The following AKAP4 variants were observed in gnomAD, a reference collection of about 807,000 sequenced individuals.
AKAP4 encodes A-kinase anchoring protein 4.
In AKAP4, 4 loss-of-function variants were observed where a neutral mutation model predicts 42.6. That is an observed-to-expected ratio of 0.09 (90% CI 0.05 to 0.22). The LOEUF is 0.22. Ranked by LOEUF, AKAP4 falls within the 10% of genes least tolerant of loss-of-function variation. AKAP4 has a pLI of 1.00. For synonymous variants in AKAP4, 223 were observed against 233.0 expected (o/e 0.96, Z 0.39); for missense variants, 551 against 630.7 (o/e 0.87, Z 1.35).
rs12012704 is a variant in AKAP4, at chrX:50,192,695, G to A, written c.2018C>T (p.Ala673Val). The A allele has an allele frequency of 3.2e-4, 386 of 1,209,970 alleles. No individual in the cohort carries two copies. The East Asian group carries it at 8.6e-3, about 27-fold the overall frequency. ...AASMSNRSDK[A>V]EEQCQEHQEL... ...TTGATGCTCCTGGCATTGTTCTTCC[G>A]CTTTGTCAGATCTGTTGGACATGGA... is the stretch of plus-strand genomic sequence containing the variant. The change falls in exon 5 of 6, where the codon GCG (alanine) becomes GTG (valine). Residue 673 changes from alanine (A) to valine (V), a missense_variant. Physicochemically the swap from Ala to Val is moderately conservative, Grantham distance 64 (BLOSUM62 0). Transcript: ENST00000358526.
Position 50,192,959 on chromosome X carries a change from T to A in AKAP4, c.1754A>T (p.Glu585Val). 8.3e-7 allele frequency: 1 copy of A among 1,211,776 alleles called. No homozygotes were observed. The highest frequency in any genetic ancestry group is 1.1e-6 in the Non-Finnish European group (1 of 895,519). Reference sequence around the variant, plus strand: ...GGCACTTTGGCCACCTCCACACTTTTCATATTGAGTACTCTGAGCCATATA... The same window carrying A: ...GGCACTTTGGCCACCTCCACACTTTACATATTGAGTACTCTGAGCCATATA... Reference protein sequence around the residue: ...MGYMAQSTQYEKCGGGQSAKA... With the variant: ...MGYMAQSTQYVKCGGGQSAKA... Residue 585 changes from glutamate (E) to valine (V), a missense_variant, in exon 5 of 6, where the codon GAA becomes GTA. Physicochemically the swap from Glu to Val is moderately radical, Grantham distance 121. Coordinates refer to ENST00000358526, the MANE Select transcript of AKAP4 (RefSeq NM_003886.3).
chrX:50,198,682 CCTT>C lies in AKAP4; in HGVS notation c.95_97del (p.Glu32del). On this transcript the variant is annotated inframe_deletion, in exon 2 of 6. Transcript: ENST00000358526. ...CACTTTCCGGTCCTGATCTTGCTGT[CCTT>C]CTGGGTTGTAGAGATCTACCTTGCA... The C allele has an allele frequency of 8.3e-7, 1 of 1,209,481 alleles. No homozygotes were observed. The highest frequency in any genetic ancestry group is 3.0e-5 in the East Asian group (1 of 33,792).
intron 4 of AKAP4, 125 bp from the exon 5 acceptor site, chrX:50,194,561 A>G: frequency 1.9e-6 from 1 of 515,731 alleles, no homozygotes; most frequent in Non-Finnish European, 3.1e-6. Flanking sequence ...CGTAACATCC[A>G]GTTATATCCA....
intron 3 of AKAP4, 80 bp from the exon 4 acceptor site, chrX:50,197,072 A>T (rs1189454057): frequency 1.8e-5 from 12 of 670,862 alleles, no homozygotes; most frequent in Non-Finnish European, 2.9e-5. Context: ...TATGACTTCA[A>T]ATCATGAATG....
intron 3 of AKAP4, 85 bp downstream of exon 3, chrX:50,197,459 C>A (rs782718639): frequency 5.6e-6 from 5 of 900,457 alleles, no homozygotes; most frequent in South Asian, 2.6e-5. Context: ...CTCTCTCCCC[C>A]CAACATTTTC....
Position 50,193,356 on chromosome X carries a change from C to A in AKAP4, c.1357G>T (p.Ala453Ser). 2 of 1,211,616 alleles carry A rather than the reference C, an allele frequency of 1.7e-6. No homozygotes were observed. Among genetic ancestry groups the A allele is most frequent in the Non-Finnish European group, 2.2e-6 (2 of 895,510 alleles). ...SQSLSYASLK[A>S]GSHDPKCRNQ... ...CTGCATTTGGGATCATGGGACCCAG[C>A]TTTTAAAGATGCATATGACAGACTC... Residue 453 changes from alanine (A) to serine (S), a missense_variant, in exon 5 of 6, where the codon GCT becomes TCT. By Grantham distance (99) the Ala-to-Ser change is moderately conservative. Coordinates refer to ENST00000358526, the MANE Select transcript of AKAP4 (RefSeq NM_003886.3).
chrX:50,193,390 A>C lies in AKAP4; in HGVS notation c.1323T>G (p.Thr441=), dbSNP rs183292377. The part of the protein sequence containing the change: ...VSALIGEEKE[T]KSQSLSYASL... ...ATGCATATGACAGACTCTGAGACTT[A>C]GTCTCCTTCTCCTCACCTATAAGGG... Residue 441 remains threonine, a synonymous_variant, in exon 5 of 6, where the codon ACT becomes ACG. Transcript: ENST00000358526. The C allele has an allele frequency of 8.3e-7, 1 of 1,211,523 alleles. No individual in the cohort carries two copies. The highest frequency in any genetic ancestry group is 1.1e-6 in the Non-Finnish European group (1 of 895,415).
Position 50,200,800 on chromosome X carries a change from G to A in AKAP4, c.27+63C>T. On this transcript the variant is annotated intron_variant, in intron 1 of 5. Coordinates refer to ENST00000358526, the MANE Select transcript of AKAP4 (RefSeq NM_003886.3). ...CTTGGAGGCTGCCTCAGCAGCTTCT[G>A]TAGTTTCACCTCACCATTAAGATGC... The A allele has an allele frequency of 4.7e-6, 5 of 1,070,060 alleles. No individual in the cohort carries two copies. The South Asian group carries it at 8.0e-5, about 17-fold the overall frequency. The allele number at this position is 1,070,060 out of a possible 1,213,427, so 88.2% of individuals were successfully genotyped here.
chrX:50,191,659 T>TGTGAGAGAGAAAGA (rs1363221828), intron 5 of AKAP4, among the ~76,000 whole-genome samples: 7 of 43,611 alleles, frequency 1.6e-4, no homozygotes, highest in African/African-American at 5.2e-4. Flanking sequence ...TGTGTGTGTG[T>TGTGAGAGAGAAAGA]GAGAGAGAGA....
In AKAP4 at chrX:50,194,445, A is replaced by T. The variant is rs781842096; in HGVS notation, c.277-9T>A. ...CATACAGATCCCTCTGTCTAAAAAAAGAAGAAGACCTATCCATAAGAGTTT... is the reference window on the plus strand; with the variant it reads ...CATACAGATCCCTCTGTCTAAAAAATGAAGAAGACCTATCCATAAGAGTTT... On this transcript the variant is annotated splice_polypyrimidine_tract_variant and intron_variant, in intron 4 of 5. Transcript: ENST00000358526. 437 of 1,169,741 alleles carry T rather than the reference A, an allele frequency of 3.7e-4. 1 individual carries two copies. The South Asian group carries it at 7.7e-3, about 21-fold the overall frequency.
Position 50,196,979 on chromosome X carries a change from G to T in AKAP4, c.188C>A (p.Ser63Tyr), listed in dbSNP as rs1557204427. The T allele has an allele frequency of 8.3e-7, 1 of 1,199,481 alleles. No individual in the cohort carries two copies. Among genetic ancestry groups the T allele is most frequent in the African/African-American group, 1.7e-5 (1 of 57,557 alleles). ...EDKDYKDAAS[S>Y]SSEGNLNLGS... ...CAGGTTTAAGTTGCCTTCTGAGCTG[G>T]AACTAGCAGCATCCTATGGAATTAA... The change falls in exon 4 of 6, where the codon TCC becomes TAC. Residue 63 changes from serine (S) to tyrosine (Y), a missense_variant. Ser to Tyr is a moderately radical substitution (Grantham distance 144). Coordinates refer to ENST00000358526, the MANE Select transcript of AKAP4 (RefSeq NM_003886.3).
chrX:50,193,444 C>G lies in AKAP4; in HGVS notation c.1269G>C (p.Met423Ile). The G allele has an allele frequency of 8.3e-7, 1 of 1,211,963 alleles. No individual in the cohort carries two copies. ...TGACCAAGCGCTTCAGCATGGCCTCCATGATGTCTGTAGCATTTTGTTTCC... is the reference window on the plus strand; with the variant it reads ...TGACCAAGCGCTTCAGCATGGCCTCGATGATGTCTGTAGCATTTTGTTTCC... ...NQWKQNATDI[M>I]EAMLKRLVSA... is the part of the protein sequence containing the mutation. Residue 423 changes from methionine (M) to isoleucine (I), a missense_variant, in exon 5 of 6, where the codon ATG becomes ATC. Coordinates refer to ENST00000358526, the MANE Select transcript of AKAP4 (RefSeq NM_003886.3).
chrX:50,197,050 GC>G (rs1179533697), intron 3 of AKAP4, 58 bp from the exon 4 acceptor site: 2 of 825,361 alleles, frequency 2.4e-6, no homozygotes, highest in Non-Finnish European at 3.6e-6. Context: ...TCTCCAAGCT[GC>G]CCCCCTAGGC....
At position 50,198,598 on chromosome X, in the gene AKAP4, T is replaced by C. The variant is rs188372079; in HGVS notation, c.123+59A>G. Reference sequence around the variant, plus strand: ...CATTAGTTTATCTTGGGCCCCAGGATATCTATACCCATATGCCAATTTTTC... The same window carrying C: ...CATTAGTTTATCTTGGGCCCCAGGACATCTATACCCATATGCCAATTTTTC... On this transcript the variant is annotated intron_variant, in intron 2 of 5. Transcript: ENST00000358526. 40 of 896,152 alleles carry C rather than the reference T, an allele frequency of 4.5e-5. No homozygotes were observed. The African/African-American group carries it at 4.9e-4, about 11-fold the overall frequency. The allele number at this position is 896,152 out of a possible 1,213,427, so 73.9% of individuals were successfully genotyped here. A position where few individuals can be genotyped will look rare whatever the true frequency, so the allele number is the denominator to read the frequency against.
rs782020421 is a variant in AKAP4, at chrX:50,192,709, G to C, written c.2004C>G (p.Asn668Lys). The change falls in exon 5 of 6, where the codon AAC becomes AAG. Residue 668 changes from asparagine to lysine, a missense_variant. Physicochemically the swap from Asn to Lys is moderately conservative, Grantham distance 94. Transcript: ENST00000358526. ...PRASKAASMS[N>K]RSDKAEEQCQ... ...ATTGTTCTTCCGCTTTGTCAGATCTGTTGGACATGGAAGCTGCTTTGCTTG... is the reference window on the plus strand; with the variant it reads ...ATTGTTCTTCCGCTTTGTCAGATCTCTTGGACATGGAAGCTGCTTTGCTTG... 3.3e-6 allele frequency: 4 copies of C among 1,211,984 alleles called. No homozygotes were observed. Among genetic ancestry groups the C allele is most frequent in the Non-Finnish European group, 4.5e-6 (4 of 895,610 alleles).
chrX:50,190,927 G>A lies in AKAP4; in HGVS notation c.*33C>T, dbSNP rs113067239. 24 of 1,204,851 alleles carry A rather than the reference G, an allele frequency of 2.0e-5. No individual in the cohort carries two copies. The South Asian group carries it at 3.9e-4, about 20-fold the overall frequency. Reference sequence around the variant, plus strand: ...TCTGGCTGGGATGGAATGCTGCTAGGGGGGCTAAGATGAAGAGGAGTCAAG... The same window carrying A: ...TCTGGCTGGGATGGAATGCTGCTAGAGGGGCTAAGATGAAGAGGAGTCAAG... On this transcript the variant is annotated 3_prime_UTR_variant, in exon 6 of 6. Transcript: ENST00000358526.
chrX:50,196,478 A>C (rs1935193491), intron 4 of AKAP4, among the ~76,000 whole-genome samples: 1 of 111,365 alleles, frequency 9.0e-6, no homozygotes, highest in African/African-American at 3.3e-5. Flanking sequence ...AGCCTAGGTA[A>C]TCTCTTAGAC....
chrX:50,193,040 T>G lies in AKAP4; in HGVS notation c.1673A>C (p.Gln558Pro). 8.3e-7 allele frequency: 1 copy of G among 1,211,826 alleles called. No individual in the cohort carries two copies. Among genetic ancestry groups the G allele is most frequent in the Non-Finnish European group, 1.1e-6 (1 of 895,521 alleles). Reference sequence around the variant, plus strand: ...ACATGTATCTTTGCCCTTAGTCTGCTGGGTCAGATGGTACTGGATCAGCTT... The same window carrying G: ...ACATGTATCTTTGCCCTTAGTCTGCGGGGTCAGATGGTACTGGATCAGCTT... ...ALKLIQYHLT[Q>P]QTKGKDTCEE... is the part of the protein sequence containing the mutation. The change falls in exon 5 of 6, where the codon CAG (glutamine) becomes CCG (proline). Residue 558 changes from glutamine (Q) to proline (P), a missense_variant. Gln to Pro is a moderately conservative substitution (Grantham distance 76). Coordinates refer to ENST00000358526, the MANE Select transcript of AKAP4 (RefSeq NM_003886.3).
intron 5 of AKAP4, among the ~76,000 whole-genome samples, chrX:50,191,659 T>TGTGTGA (rs1363221828): frequency 2.8e-3 from 123 of 43,540 alleles, no homozygotes; most frequent in Middle Eastern, 0.013. Flanking sequence ...TGTGTGTGTG[T>TGTGTGA]GAGAGAGAGA....
Sources: gnomAD v4.1 joint callset for allele counts (sites outside exome capture counted in the v4.1 genomes callset) on GRCh38, gnomAD v4.1.1 for gene constraint, MANE v1.5 for transcripts, NCBI Gene and HGNC (gene_info 2026-07-23, HGNC 2026-07-21) for gene names.